Variants in SGCZ observed in about 807,000 individuals in gnomAD.
SGCZ encodes the protein sarcoglycan zeta.
A neutral mutation model predicts 41.3 loss-of-function variants in SGCZ; 40 were observed. The observed-to-expected ratio is 0.97, with a 90% CI of 0.75 to 1.26. SGCZ has a LOEUF of 1.26. Among genes scored for constraint, SGCZ ranks in the 50% most tolerant of loss-of-function variants. The pLI, the probability that SGCZ is intolerant of heterozygous loss-of-function variation, is 0.00. For synonymous variants in SGCZ, 206 were observed against 137.5 expected (o/e 1.50, Z -3.49); for missense variants, 552 against 369.8 (o/e 1.49, Z -4.04).
At chr8:14,899,178 C>A (rs969210824) in intron 1 of SGCZ, among the ~76,000 whole-genome samples, 3 of 152,042 alleles carry the variant, frequency 2.0e-5, no homozygotes, top group Non-Finnish European at 4.4e-5. Context: ...TGGCAATGAA[C>A]ATATATTTTA....
intron 1 of SGCZ, among the ~76,000 whole-genome samples, chr8:14,866,849 TAA>T (rs894691200): frequency 6.6e-6 from 1 of 151,952 alleles, no homozygotes; most frequent in Admixed American, 6.6e-5. Context: ...AAAAAGAAAC[TAA>T]AAGAAAAAAA....
chr8:14,823,709 C>G (rs774162183), intron 1 of SGCZ, among the ~76,000 whole-genome samples: 4 of 152,134 alleles, frequency 2.6e-5, no homozygotes, highest in Non-Finnish European at 5.9e-5. Flanking sequence ...CCATATCATC[C>G]AGCAATTCCA....
At chr8:14,331,897 T>C (rs1168003017) in intron 2 of SGCZ, among the ~76,000 whole-genome samples, 1 of 151,912 alleles carries the variant, frequency 6.6e-6, no homozygotes, top group Non-Finnish European at 1.5e-5. Context: ...TCTCTACTGA[T>C]AATACAGGAA....
chr8:14,221,940 G>A (rs1806209939), intron 4 of SGCZ, among the ~76,000 whole-genome samples: 1 of 150,922 alleles, frequency 6.6e-6, no homozygotes, highest in African/African-American at 2.4e-5. Context: ...CAGCCTGGGT[G>A]ACACAGTGAG....
Position 14,131,416 on chromosome 8 carries a change from T to G in SGCZ, c.548-23181A>C, listed in dbSNP as rs367594871. On this transcript the variant is annotated intron_variant, in intron 5 of 7. Transcript: ENST00000382080. ...TCTTGGTTGACAAGTTGTTGTTGTT[T>G]TTGTTCTCCATAGAACTTTTAGCAA... Among the ~76,000 whole-genome samples the G allele has an allele frequency of 4.3e-4, 65 of 152,312 alleles. No homozygotes were observed. In the East Asian group the frequency reaches 5.8e-3, roughly 14 times the overall value.
chr8:14,600,580 A>G (rs62494840), intron 1 of SGCZ, among the ~76,000 whole-genome samples: 5,925 of 152,258 alleles, frequency 0.039, 157 homozygotes, highest in Non-Finnish European at 0.061. Flanking sequence ...AATTCTCCAC[A>G]GGAGGATGCA....
At chr8:15,216,803 G>C (rs1008792081) in intron 1 of SGCZ, among the ~76,000 whole-genome samples, 2 of 152,024 alleles carry the variant, frequency 1.3e-5, no homozygotes, top group Non-Finnish European at 1.5e-5. Flanking sequence ...AATTAGGAGA[G>C]AATAAAACAG....
chr8:14,419,948 G>C (rs571383676), intron 2 of SGCZ, among the ~76,000 whole-genome samples: 3 of 152,156 alleles, frequency 2.0e-5, no homozygotes, highest in African/African-American at 7.2e-5. Flanking sequence ...CAGAACAATG[G>C]TTTATTTTCT....
intron 2 of SGCZ, among the ~76,000 whole-genome samples, chr8:14,376,204 A>G (rs1804117740): frequency 6.6e-6 from 1 of 152,052 alleles, no homozygotes; most frequent in Non-Finnish European, 1.5e-5. Flanking sequence ...CCAGCTACAC[A>G]GGAGGCTGAG....
intron 2 of SGCZ, among the ~76,000 whole-genome samples, chr8:14,415,455 A>G (rs185680531): frequency 1.3e-5 from 2 of 151,994 alleles, no homozygotes; most frequent in African/African-American, 4.8e-5. Context: ...GCATATTTTA[A>G]TAAAAAGACA....
At chr8:14,872,329 AC>A (rs1238384291) in intron 1 of SGCZ, among the ~76,000 whole-genome samples, 1 of 152,166 alleles carries the variant, frequency 6.6e-6, no homozygotes, top group Non-Finnish European at 1.5e-5. Context: ...TTTTAAAAAA[AC>A]ATAGAAATAT....
At chr8:14,711,719 C>A (rs1366203771) in intron 1 of SGCZ, among the ~76,000 whole-genome samples, 1 of 151,900 alleles carries the variant, frequency 6.6e-6, no homozygotes, top group Non-Finnish European at 1.5e-5. Flanking sequence ...TGTTAATAGT[C>A]CTTTTTTGTG....
chr8:14,091,971 A>G (rs1445462998), intron 7 of SGCZ, among the ~76,000 whole-genome samples: 1 of 152,162 alleles, frequency 6.6e-6, no homozygotes, highest in Admixed American at 6.6e-5. Flanking sequence ...TAAGTCTTTA[A>G]TCCATCTTGA....
At chr8:14,691,780 A>G (rs1341754684) in intron 1 of SGCZ, among the ~76,000 whole-genome samples, 2 of 151,704 alleles carry the variant, frequency 1.3e-5, no homozygotes, top group Non-Finnish European at 2.9e-5. Context: ...CCAATCAAAA[A>G]CTGCAATAAA....
intron 2 of SGCZ, among the ~76,000 whole-genome samples, chr8:14,400,566 T>C (rs1407687052): frequency 6.6e-6 from 1 of 152,164 alleles, no homozygotes; most frequent in Non-Finnish European, 1.5e-5. Flanking sequence ...TATAATGAGA[T>C]AGAAACATCT....
chr8:15,224,985 T>C (rs1359343817), intron 1 of SGCZ, among the ~76,000 whole-genome samples: 1 of 152,098 alleles, frequency 6.6e-6, no homozygotes, highest in Non-Finnish European at 1.5e-5. Context: ...AAGAAATAAA[T>C]GCAGTATCTA....
intron 1 of SGCZ, among the ~76,000 whole-genome samples, chr8:14,942,526 T>C (rs1800310839): frequency 6.6e-6 from 1 of 152,102 alleles, no homozygotes; most frequent in Admixed American, 6.6e-5. Flanking sequence ...ATCTAAATAA[T>C]CTTACATTTA....
intron 1 of SGCZ, among the ~76,000 whole-genome samples, chr8:14,583,311 T>G (rs1379059122): frequency 6.6e-6 from 1 of 152,120 alleles, no homozygotes; most frequent in Non-Finnish European, 1.5e-5. Flanking sequence ...TGTCTTCTTT[T>G]GAGAAGTGTC....
intron 1 of SGCZ, among the ~76,000 whole-genome samples, chr8:14,876,596 C>T (rs553223091): frequency 3.3e-5 from 5 of 152,202 alleles, no homozygotes; most frequent in South Asian, 4.2e-4. Context: ...TGAAATATCT[C>T]GCCGTAAAGC....
Sources: allele counts gnomAD v4.1 joint callset (sites outside exome capture counted in the v4.1 genomes callset), GRCh38; gene constraint gnomAD v4.1.1; transcripts MANE v1.5; gene names NCBI Gene and HGNC (gene_info 2026-07-23, HGNC 2026-07-21).